The following RNMT variants were observed in gnomAD, a reference collection of about 807,000 sequenced individuals.
RNMT encodes mRNA cap guanine-N(7) methyltransferase.
In RNMT, 27 loss-of-function variants were observed where a neutral mutation model predicts 56.0. That is an observed-to-expected ratio of 0.48 (90% CI 0.36 to 0.67). The LOEUF (loss-of-function observed/expected upper bound fraction) is 0.67, where lower values mean the gene tolerates loss of function less well. Ranked by LOEUF, RNMT falls within the 30% of genes least tolerant of loss-of-function variation. The probability of loss-of-function intolerance (pLI) is 0.00; values close to 1 mark genes in which losing one functional copy is unlikely to be tolerated. For missense variants in RNMT, 519 were observed against 552.1 expected (o/e 0.94, Z 0.60); for synonymous variants, 184 against 176.2 (o/e 1.04, Z -0.35).
intron 4 of RNMT, 135 bp downstream of exon 4, chr18:13,734,734 A>G (rs2044130851): frequency 2.7e-6 from 2 of 727,616 alleles, no homozygotes; most frequent in Non-Finnish European, 4.3e-6. Flanking sequence ...TTGACTGTGT[A>G]AGATTTTAAT....
At chr18:13,744,264 G>A (rs2044314104) in intron 8 of RNMT, among the ~76,000 whole-genome samples, 1 of 144,552 alleles carries the variant, frequency 6.9e-6, no homozygotes, top group African/African-American at 2.6e-5. Context: ...TATTGAAACA[G>A]TATTGGATGA....
At position 13,753,907 on chromosome 18, in the gene RNMT, G is replaced by A. The variant is rs2044499517; in HGVS notation, c.1360-207G>A. ...ATGAGAATTTGAGAATTTGGCAGGA[G>A]GATAAAAGTCTGAGAAGATGACTTT... On this transcript the variant is annotated intron_variant, in intron 10 of 11. Transcript: ENST00000383314. 4.0e-5 allele frequency among the ~76,000 whole-genome samples: 6 copies of A among 151,172 alleles called. No homozygotes were observed. In the South Asian group the frequency reaches 1.2e-3, roughly 31 times the overall value.
In RNMT at chr18:13,762,900, G is replaced by C; in HGVS notation, c.*2921G>C. The C allele has an allele frequency of 5.7e-6, 2 of 352,572 alleles. No homozygotes were observed. Among genetic ancestry groups the C allele is most frequent in the Non-Finnish European group, 5.6e-6 (1 of 177,102 alleles). The allele number at this position is 352,572 out of a possible 1,614,324, so 21.8% of individuals were successfully genotyped here. ...GGCTACTTGTATAGGTCTGCCTGCA[G>C]GGTGAAAATGCCAGTGTGAATATTC... On this transcript the variant is annotated 3_prime_UTR_variant, in exon 12 of 12. Transcript: ENST00000383314.
At chr18:13,744,159 C>CGTTTTTTTTT (rs2044308157) in intron 8 of RNMT, among the ~76,000 whole-genome samples, 1 of 91,398 alleles carries the variant, frequency 1.1e-5, no homozygotes, top group Non-Finnish European at 2.2e-5. Flanking sequence ...TAGCGGTCTT[C>CGTTTTTTTTT]TTTTTTTTTT....
intron 9 of RNMT, among the ~76,000 whole-genome samples, chr18:13,746,638 T>C (rs1218672991): frequency 2.0e-5 from 3 of 152,202 alleles, no homozygotes; most frequent in South Asian, 4.1e-4. Context: ...ATGCTGTGCA[T>C]TGTAGGATAT....
Position 13,734,458 on chromosome 18 carries a change from T to G in RNMT, c.418-6T>G. ...TTGATTTTTTTCTATTCTCTTTTAT[T>G]TTCAGAATCTGGAAGAAGGACACAG... On this transcript the variant is annotated splice_region_variant and splice_polypyrimidine_tract_variant and intron_variant, in intron 3 of 11. Coordinates refer to ENST00000383314, the MANE Select transcript of RNMT (RefSeq NM_003799.3). 6.3e-7 allele frequency: 1 copy of G among 1,596,136 alleles called. No individual in the cohort carries two copies. The highest frequency in any genetic ancestry group is 8.5e-7 in the Non-Finnish European group (1 of 1,174,270).
intron 1 of RNMT, among the ~76,000 whole-genome samples, chr18:13,727,553 A>G (rs2043981703): frequency 6.6e-6 from 1 of 152,246 alleles, no homozygotes; most frequent in African/African-American, 2.4e-5. Flanking sequence ...CGACTAAATC[A>G]GGGCAATTGG....
rs764036185 is a variant in RNMT, at chr18:13,741,696, G to A, written c.974+5G>A. 12 of 1,579,186 alleles carry A rather than the reference G, an allele frequency of 7.6e-6. No individual in the cohort carries two copies. Among genetic ancestry groups the A allele is most frequent in the African/African-American group, 1.4e-5 (1 of 73,706 alleles). ...TCCCAATAGCTTTGAATTGATGTAA[G>A]TACTTCTAAATATATTGTGGTTTAT... On this transcript the variant is annotated splice_donor_5th_base_variant and intron_variant, in intron 7 of 11. Transcript: ENST00000383314.
intron 3 of RNMT, among the ~76,000 whole-genome samples, chr18:13,733,954 C>G (rs2044116776): frequency 6.6e-6 from 1 of 152,200 alleles, no homozygotes; most frequent in African/African-American, 2.4e-5. Flanking sequence ...ACCCAGATCT[C>G]ATCTTGAATT....
At chr18:13,759,864 C>A in intron 11 of RNMT, 78 bp from the exon 12 acceptor site, 1 of 1,325,162 alleles carries the variant, frequency 7.5e-7, no homozygotes, top group South Asian at 1.2e-5. Context: ...AGAATTTTCA[C>A]CAAATTATGA....
chr18:13,733,884 G>T (rs1022570607), intron 3 of RNMT, among the ~76,000 whole-genome samples: 1 of 152,146 alleles, frequency 6.6e-6, no homozygotes, highest in African/African-American at 2.4e-5. Context: ...ATATCACAAT[G>T]AAAATTTTAA....
In RNMT at chr18:13,731,882, G is replaced by A. The variant is rs771795058; in HGVS notation, c.365G>A (p.Gly122Asp). The A allele has an allele frequency of 1.9e-6, 3 of 1,605,398 alleles. No individual in the cohort carries two copies. The highest frequency in any genetic ancestry group is 2.5e-6 in the Non-Finnish European group (3 of 1,178,170). ...AAAGATAAATCTTCTACTGGAGATGGCACTCAAAATAAGAGAAAAATAGCA... is the reference window on the plus strand; with the variant it reads ...AAAGATAAATCTTCTACTGGAGATGACACTCAAAATAAGAGAAAAATAGCA... ...VPKDKSSTGD[G>D]TQNKRKIALE... The change falls in exon 3 of 12, where the codon GGC (glycine) becomes GAC (aspartate). Residue 122 changes from glycine (G) to aspartate (D), a missense_variant. By Grantham distance (94) the Gly-to-Asp change is moderately conservative (BLOSUM62 -1). Coordinates refer to ENST00000383314, the MANE Select transcript of RNMT (RefSeq NM_003799.3).
At position 13,731,458 on chromosome 18, in the gene RNMT, AT is replaced by A; in HGVS notation, c.-42-11del. 7.2e-7 allele frequency: 1 copy of A among 1,393,746 alleles called. No homozygotes were observed. Among genetic ancestry groups the A allele is most frequent in the Non-Finnish European group, 9.8e-7 (1 of 1,024,308 alleles). 86.3% of individuals were successfully genotyped at this position (1,393,746 alleles called of 1,614,324 possible). A position where few individuals can be genotyped will look rare whatever the true frequency, so the allele number is the denominator to read the frequency against. ...GTCTTAGTGTTTACAAGTAATACCAATTTTTTTCCTATTCTAGTGTTGGTTC... is the reference window on the plus strand; with the variant it reads ...GTCTTAGTGTTTACAAGTAATACCAATTTTTTCCTATTCTAGTGTTGGTTC... On this transcript the variant is annotated splice_polypyrimidine_tract_variant and intron_variant, in intron 2 of 11. Coordinates refer to ENST00000383314, the MANE Select transcript of RNMT (RefSeq NM_003799.3).
At position 13,752,370 on chromosome 18, in the gene RNMT, G is replaced by A; in HGVS notation, c.1302G>A (p.Val434=). The A allele has an allele frequency of 1.2e-6, 2 of 1,613,304 alleles. No homozygotes were observed. Among genetic ancestry groups the A allele is most frequent in the Non-Finnish European group, 1.7e-6 (2 of 1,179,466 alleles). Residue 434 remains valine, a synonymous_variant, in exon 10 of 12, where the codon GTG becomes GTA. Transcript: ENST00000383314. ...GTTCTAAACTTGTCTCTGAGAAGGT[G>A]GATGACTATGAACATGCAGCAAAGT... is the stretch of plus-strand genomic sequence containing the variant. ...NESSKLVSEK[V]DDYEHAAKYM...
chr18:13,732,776 C>A (rs1177439676), intron 3 of RNMT, among the ~76,000 whole-genome samples: 3 of 113,716 alleles, frequency 2.6e-5, no homozygotes, highest in Non-Finnish European at 5.0e-5. Flanking sequence ...GACAGAGTCT[C>A]ACTCTGTCTC....
At position 13,761,673 on chromosome 18, in the gene RNMT, A is replaced by G; in HGVS notation, c.*1694A>G. On this transcript the variant is annotated 3_prime_UTR_variant, in exon 12 of 12. Coordinates refer to ENST00000383314, the MANE Select transcript of RNMT (RefSeq NM_003799.3). Reference sequence around the variant, plus strand: ...CTAAGGCCTTCAGTGAACAGAAAGGAGCAGAGAGCAAGATTAGATCTGAGA... The same window carrying G: ...CTAAGGCCTTCAGTGAACAGAAAGGGGCAGAGAGCAAGATTAGATCTGAGA... 9.7e-7 allele frequency: 1 copy of G among 1,035,080 alleles called. No individual in the cohort carries two copies. The highest frequency in any genetic ancestry group is 1.2e-6 in the Non-Finnish European group (1 of 860,790). The allele number at this position is 1,035,080 out of a possible 1,614,324, so 64.1% of individuals were successfully genotyped here. A position where few individuals can be genotyped will look rare whatever the true frequency, so the allele number is the denominator to read the frequency against.
chr18:13,743,344 ATAAATAAAT>A (rs1568505854), intron 8 of RNMT, among the ~76,000 whole-genome samples: 16 of 102,476 alleles, frequency 1.6e-4, no homozygotes, highest in African/African-American at 4.8e-4. Context: ...AAATAAATAA[ATAAATAAAT>A]AAATAAATAA....
At position 13,734,451 on chromosome 18, in the gene RNMT, C is replaced by T. The variant is rs1568499705; in HGVS notation, c.418-13C>T. Reference sequence around the variant, plus strand: ...CTGATCCTTGATTTTTTTCTATTCTCTTTTATTTTCAGAATCTGGAAGAAG... The same window carrying T: ...CTGATCCTTGATTTTTTTCTATTCTTTTTTATTTTCAGAATCTGGAAGAAG... On this transcript the variant is annotated splice_polypyrimidine_tract_variant and intron_variant, in intron 3 of 11. Transcript: ENST00000383314. The T allele has an allele frequency of 6.9e-6, 11 of 1,588,502 alleles. No individual in the cohort carries two copies. The highest frequency in any genetic ancestry group is 4.1e-5 in the African/African-American group (3 of 73,384).
Position 13,762,265 on chromosome 18 carries a change from GA to G in RNMT, c.*2288del. ...CATGGCTGGATTGTGATTTAACCAA[GA>G]ATGCTGATGTTGAATTCTTTGGGCC... is the stretch of plus-strand genomic sequence containing the variant. On this transcript the variant is annotated 3_prime_UTR_variant, in exon 12 of 12. Transcript: ENST00000383314. The G allele has an allele frequency of 8.0e-7, 1 of 1,245,422 alleles. No individual in the cohort carries two copies. The highest frequency in any genetic ancestry group is 1.1e-6 in the Non-Finnish European group (1 of 920,268). 77.1% of individuals were successfully genotyped at this position (1,245,422 alleles called of 1,614,324 possible).
Sources: gnomAD v4.1 joint callset for allele counts (sites outside exome capture counted in the v4.1 genomes callset) on GRCh38, gnomAD v4.1.1 for gene constraint, MANE v1.5 for transcripts, NCBI Gene and HGNC (gene_info 2026-07-23, HGNC 2026-07-21) for gene names.